The following PDSS2 variants were observed in gnomAD, a reference collection of about 807,000 sequenced individuals.
PDSS2 encodes the protein all trans-polyprenyl-diphosphate synthase PDSS2.
PDSS2 carries 31 observed loss-of-function variants against 44.5 expected under a neutral mutation model. The observed-to-expected ratio is 0.70, with a 90% confidence interval of 0.52 to 0.94. The LOEUF (loss-of-function observed/expected upper bound fraction) is 0.94. Ranked by LOEUF, PDSS2 falls within the 40% of genes least tolerant of loss-of-function variation. The pLI is 0.00. For synonymous variants in PDSS2, 157 were observed against 180.3 expected (o/e 0.87, Z 1.03); for missense variants, 452 against 482.2 (o/e 0.94, Z 0.59).
intron 1 of PDSS2, among the ~76,000 whole-genome samples, chr6:107,368,497 T>C (rs1779031109): frequency 6.6e-6 from 1 of 152,192 alleles, no homozygotes; most frequent in Non-Finnish European, 1.5e-5. Flanking sequence ...ATGTCAGTTC[T>C]CCACAATTGA....
chr6:107,426,029 A>G (rs1303495600), intron 1 of PDSS2, among the ~76,000 whole-genome samples: 1 of 152,210 alleles, frequency 6.6e-6, no homozygotes, highest in Non-Finnish European at 1.5e-5. Context: ...TGCACATGTA[A>G]CAAGGAGCCA....
chr6:107,229,419 G>A (rs561891468), intron 4 of PDSS2, among the ~76,000 whole-genome samples: 4 of 152,024 alleles, frequency 2.6e-5, no homozygotes, highest in East Asian at 3.9e-4. Context: ...TCCTGACCTC[G>A]TGATTCACCC....
intron 1 of PDSS2, among the ~76,000 whole-genome samples, chr6:107,447,406 C>T (rs1345246511): frequency 6.6e-6 from 1 of 152,156 alleles, no homozygotes; most frequent in Non-Finnish European, 1.5e-5. Flanking sequence ...GCTACAGGCA[C>T]TGGGTAAATA....
At chr6:107,335,687 T>C (rs545811354) in intron 1 of PDSS2, among the ~76,000 whole-genome samples, 5 of 152,188 alleles carry the variant, frequency 3.3e-5, no homozygotes, top group Non-Finnish European at 7.3e-5. Flanking sequence ...CAAATGGTTG[T>C]CATTCAAGAA....
At chr6:107,350,914 A>AT (rs1386308439) in intron 1 of PDSS2, among the ~76,000 whole-genome samples, 1 of 152,202 alleles carries the variant, frequency 6.6e-6, no homozygotes, top group African/African-American at 2.4e-5. Flanking sequence ...TAGTGAAATA[A>AT]TAAAGGCCAC....
intron 1 of PDSS2, among the ~76,000 whole-genome samples, chr6:107,413,693 G>A (rs1233872903): frequency 2.6e-5 from 4 of 152,222 alleles, no homozygotes; most frequent in Non-Finnish European, 5.9e-5. Context: ...TTGAACGCCT[G>A]ACCCCAAGTG....
intron 1 of PDSS2, among the ~76,000 whole-genome samples, chr6:107,357,962 A>G (rs966556658): frequency 5.9e-5 from 9 of 152,172 alleles, no homozygotes; most frequent in Admixed American, 2.6e-4. Context: ...TAAATTGTCA[A>G]AATACTATTA....
chr6:107,186,517 T>C (rs1397174447), intron 7 of PDSS2, among the ~76,000 whole-genome samples: 1 of 152,122 alleles, frequency 6.6e-6, no homozygotes, highest in Non-Finnish European at 1.5e-5. Context: ...CTGGGATACA[T>C]GTGCAGAACG....
chr6:107,427,765 C>A (rs79533441), intron 1 of PDSS2, among the ~76,000 whole-genome samples: 3 of 152,122 alleles, frequency 2.0e-5, no homozygotes, highest in Non-Finnish European at 4.4e-5. Flanking sequence ...AAGTTTATGA[C>A]ACTCATTTGT....
intron 6 of PDSS2, among the ~76,000 whole-genome samples, chr6:107,195,840 G>A (rs868077700): frequency 2.6e-5 from 4 of 152,174 alleles, no homozygotes; most frequent in African/African-American, 7.2e-5. Context: ...GATTACAGGC[G>A]TGAGCCACTG....
At chr6:107,210,263 CTAACTT>C (rs1773152260) in intron 6 of PDSS2, among the ~76,000 whole-genome samples, 170 bp downstream of exon 6, 1 of 152,150 alleles carries the variant, frequency 6.6e-6, no homozygotes, top group African/African-American at 2.4e-5. Flanking sequence ...ACTGCAATCT[CTAACTT>C]TAACTAATCT....
chr6:107,353,701 G>A (rs758552131), intron 1 of PDSS2, among the ~76,000 whole-genome samples: 5 of 152,032 alleles, frequency 3.3e-5, no homozygotes, highest in Non-Finnish European at 5.9e-5. Flanking sequence ...CCCAGTTCTC[G>A]AAAGTGCCAA....
At chr6:107,181,574 A>C (rs1018942924) in intron 7 of PDSS2, among the ~76,000 whole-genome samples, 4 of 149,482 alleles carry the variant, frequency 2.7e-5, no homozygotes, top group Non-Finnish European at 5.9e-5. Context: ...AGAAATAAGA[A>C]AAAAAAAAGA....
chr6:107,396,794 T>G (rs563873134), intron 1 of PDSS2, among the ~76,000 whole-genome samples: 2 of 145,730 alleles, frequency 1.4e-5, no homozygotes, highest in African/African-American at 5.1e-5. Flanking sequence ...GCTCAAGGAA[T>G]CCTCCCACCT....
intron 1 of PDSS2, among the ~76,000 whole-genome samples, chr6:107,335,368 A>T (rs141009395): frequency 1.3e-5 from 2 of 152,286 alleles, no homozygotes; most frequent in Non-Finnish European, 2.9e-5. Flanking sequence ...GGATGAAGTG[A>T]TACTATTTGG....
intron 1 of PDSS2, among the ~76,000 whole-genome samples, chr6:107,337,273 A>T (rs1166455920): frequency 6.6e-6 from 1 of 152,184 alleles, no homozygotes; most frequent in Non-Finnish European, 1.5e-5. Flanking sequence ...TGTCTAAGGT[A>T]CCATACCTGG....
intron 1 of PDSS2, among the ~76,000 whole-genome samples, chr6:107,411,879 C>CTTTT (rs145161415): frequency 1.7e-4 from 16 of 93,862 alleles, no homozygotes; most frequent in African/African-American, 5.3e-4. Context: ...TCTTCTTCTT[C>CTTTT]TTTTTTTTTT....
chr6:107,417,442 C>T (rs765462736), intron 1 of PDSS2, among the ~76,000 whole-genome samples: 8 of 152,048 alleles, frequency 5.3e-5, no homozygotes, highest in African/African-American at 1.7e-4. Context: ...TTAGTACATC[C>T]ACATCATGGA....
chr6:107,438,938 A>G (rs561647381), intron 1 of PDSS2, among the ~76,000 whole-genome samples: 1 of 152,178 alleles, frequency 6.6e-6, no homozygotes, highest in Admixed American at 6.5e-5. Flanking sequence ...TACTGCCCAC[A>G]ATGACTCCCT....
Sources: gnomAD v4.1 joint callset for allele counts (sites outside exome capture counted in the v4.1 genomes callset) on GRCh38, gnomAD v4.1.1 for gene constraint, MANE v1.5 for transcripts, NCBI Gene and HGNC (gene_info 2026-07-23, HGNC 2026-07-21) for gene names.